The following SLC35F4 variants were observed in gnomAD, a reference collection of about 807,000 sequenced individuals.
The protein encoded by SLC35F4 is chromosome 14 open reading frame 36.
In SLC35F4, 24 loss-of-function variants were observed where a neutral mutation model predicts 44.2. The observed-to-expected ratio is 0.54, with a 90% confidence interval of 0.39 to 0.76. The LOEUF is 0.76. Ranked by LOEUF, SLC35F4 falls within the 30% of genes least tolerant of loss-of-function variation. SLC35F4 has a pLI of 0.00. For missense variants in SLC35F4, 562 were observed against 586.1 expected, an observed-to-expected ratio of 0.96 and a Z score of 0.42; for synonymous variants, 238 against 223.6, an observed-to-expected ratio of 1.06 and a Z score of -0.57.
intron 1 of SLC35F4, among the ~76,000 whole-genome samples, chr14:57,605,014 A>C (rs1443223491): frequency 1.3e-5 from 2 of 152,182 alleles, no homozygotes; most frequent in Admixed American, 6.5e-5. Flanking sequence ...CTAGAAGAAA[A>C]CCTAGGAAAT....
chr14:57,904,865 T>C (rs2141047447), intron 1 of SLC35F4, among the ~76,000 whole-genome samples: 1 of 152,278 alleles, frequency 6.6e-6, no homozygotes, highest in African/African-American at 2.4e-5. Context: ...TTTTCATTAC[T>C]TCTCCATGTA....
At chr14:57,758,961 CTCATA>C (rs1461873486) in intron 1 of SLC35F4, among the ~76,000 whole-genome samples, 2 of 152,106 alleles carry the variant, frequency 1.3e-5, no homozygotes, top group African/African-American at 2.4e-5. Context: ...TTATAAACAC[CTCATA>C]TAAGTGGAAT....
At chr14:57,693,993 TCA>T (rs1254665320) in intron 1 of SLC35F4, among the ~76,000 whole-genome samples, 4 of 152,194 alleles carry the variant, frequency 2.6e-5, no homozygotes, top group Non-Finnish European at 5.9e-5. Flanking sequence ...TTCAACTCCT[TCA>T]TTTACTAAAA....
At chr14:57,860,108 G>C (rs1207890421) in intron 1 of SLC35F4, among the ~76,000 whole-genome samples, 1 of 152,160 alleles carries the variant, frequency 6.6e-6, no homozygotes, top group African/African-American at 2.4e-5. Context: ...GCTGAAGCTA[G>C]AACTTTGGGG....
intron 1 of SLC35F4, among the ~76,000 whole-genome samples, chr14:57,864,897 G>A (rs1158269269): frequency 6.6e-6 from 1 of 152,196 alleles, no homozygotes; most frequent in Non-Finnish European, 1.5e-5. Flanking sequence ...TTTGTGTACT[G>A]GGGGAGGGGG....
At chr14:57,875,354 A>T (rs1256843722) in intron 1 of SLC35F4, among the ~76,000 whole-genome samples, 1 of 152,206 alleles carries the variant, frequency 6.6e-6, no homozygotes, top group Non-Finnish European at 1.5e-5. Flanking sequence ...CACGGCAGTA[A>T]CGTCAAAATA....
At chr14:57,947,569 C>T (rs1474315829) in intron 1 of SLC35F4, among the ~76,000 whole-genome samples, 1 of 152,014 alleles carries the variant, frequency 6.6e-6, no homozygotes, top group African/African-American at 2.4e-5. Flanking sequence ...CTATGTTACA[C>T]TGAAGTGGCA....
intron 1 of SLC35F4, among the ~76,000 whole-genome samples, chr14:57,778,554 A>T (rs1230090266): frequency 6.6e-6 from 1 of 152,094 alleles, no homozygotes; most frequent in African/African-American, 2.4e-5. Context: ...ACCCACTGAC[A>T]ATATTAGATC....
chr14:57,852,772 T>C (rs1394331251), intron 1 of SLC35F4, among the ~76,000 whole-genome samples: 1 of 152,180 alleles, frequency 6.6e-6, no homozygotes, highest in Admixed American at 6.5e-5. Context: ...TAACTGAACA[T>C]GGGCTTCAAC....
intron 1 of SLC35F4, among the ~76,000 whole-genome samples, chr14:57,635,330 A>G (rs1046180271): frequency 2.0e-5 from 3 of 151,964 alleles, no homozygotes; most frequent in Admixed American, 1.3e-4. Context: ...GAGACAAACA[A>G]CTGCGAGAGA....
At chr14:57,673,538 A>G (rs2074589316) in intron 1 of SLC35F4, among the ~76,000 whole-genome samples, 2 of 152,138 alleles carry the variant, frequency 1.3e-5, no homozygotes. Context: ...GCACTCCAGA[A>G]AATTTGAAGA....
intron 1 of SLC35F4, among the ~76,000 whole-genome samples, chr14:57,768,860 C>G (rs1449847025): frequency 6.6e-6 from 1 of 152,164 alleles, no homozygotes; most frequent in Non-Finnish European, 1.5e-5. Flanking sequence ...TCAAGCAATC[C>G]TCCTGCCTCA....
chr14:57,731,278 T>C (rs1041630522), intron 1 of SLC35F4, among the ~76,000 whole-genome samples: 2 of 152,218 alleles, frequency 1.3e-5, no homozygotes, highest in African/African-American at 4.8e-5. Context: ...TGTGCCTTCA[T>C]GTTTGAAAAT....
At chr14:57,606,756 C>G (rs1468683043) in intron 1 of SLC35F4, among the ~76,000 whole-genome samples, 1 of 152,212 alleles carries the variant, frequency 6.6e-6, no homozygotes, top group Non-Finnish European at 1.5e-5. Context: ...GTACGCTCTC[C>G]TGGAATCTTC....
chr14:57,916,221 G>A lies in SLC35F4; in HGVS notation n.282+65692C>T, dbSNP rs1467541962. On this transcript the variant is annotated intron_variant and non_coding_transcript_variant, in intron 1 of 1. Transcript: ENST00000556568. The stretch of plus-strand genomic sequence containing the variant: ...TCATTTTTATAACAAACCCAGTTTC[G>A]AGATAACTAATCCACTCCTGCAATA... 5.3e-5 allele frequency among the ~76,000 whole-genome samples: 8 copies of A among 152,192 alleles called. No homozygotes were observed. In the South Asian group the frequency reaches 8.3e-4, roughly 16 times the overall value.
intron 1 of SLC35F4, among the ~76,000 whole-genome samples, chr14:57,882,005 G>C (rs1487861720): frequency 2.6e-5 from 4 of 152,106 alleles, no homozygotes; most frequent in African/African-American, 4.8e-5. Flanking sequence ...GGCTCTTGCT[G>C]GGTCTCCAGG....
intron 1 of SLC35F4, among the ~76,000 whole-genome samples, chr14:57,695,785 T>C (rs145686375): frequency 0.029 from 4,476 of 152,204 alleles, 216 homozygotes; most frequent in African/African-American, 0.1. Flanking sequence ...TATCCAACAA[T>C]GATAGACTGG....
intron 1 of SLC35F4, among the ~76,000 whole-genome samples, chr14:57,863,624 G>T (rs1318935339): frequency 1.3e-5 from 2 of 152,200 alleles, no homozygotes; most frequent in Non-Finnish European, 1.5e-5. Context: ...GTTTGCTTCA[G>T]TGTGTTTGTT....
At chr14:57,688,222 C>G (rs1197301151) in intron 1 of SLC35F4, among the ~76,000 whole-genome samples, 2 of 151,908 alleles carry the variant, frequency 1.3e-5, no homozygotes, top group Non-Finnish European at 1.5e-5. Flanking sequence ...CAGACAGAGA[C>G]TGAGAGATAG....
Sources: gnomAD v4.1 joint callset for allele counts (sites outside exome capture counted in the v4.1 genomes callset) on GRCh38, gnomAD v4.1.1 for gene constraint, MANE v1.5 for transcripts, NCBI Gene and HGNC (gene_info 2026-07-23, HGNC 2026-07-21) for gene names.